The following BPTF variants were observed in gnomAD, a reference collection of about 807,000 sequenced individuals.
The protein encoded by BPTF is bromodomain PHD finger transcription factor.
A neutral mutation model predicts 292.5 loss-of-function variants in BPTF; 18 were observed. The ratio of observed to expected loss-of-function variants is 0.06; its 90% CI spans 0.04 to 0.09. The LOEUF (loss-of-function observed/expected upper bound fraction) is 0.09. Among genes scored for constraint, BPTF ranks in the 10% least tolerant of loss-of-function variants. BPTF has a pLI of 1.00. For missense variants in BPTF, 2,726 were observed against 3,498.7 expected, an observed-to-expected ratio of 0.78 and a Z score of 5.57; for synonymous variants, 1,225 against 1,251.9, an observed-to-expected ratio of 0.98 and a Z score of 0.45.
chr17:67,932,113 A>G, intron 18 of BPTF, 94 bp downstream of exon 18: 2 of 1,008,636 alleles, frequency 2.0e-6, no homozygotes, highest in Non-Finnish European at 3.0e-6. Flanking sequence ...CGAGAAATAT[A>G]ATTTTAATTA....
chr17:67,852,309 A>T (rs1053868997), intron 1 of BPTF, among the ~76,000 whole-genome samples: 2 of 152,130 alleles, frequency 1.3e-5, no homozygotes, highest in African/African-American at 4.8e-5. Context: ...TAACGAAAAT[A>T]CATGTATGAA....
intron 24 of BPTF, among the ~76,000 whole-genome samples, chr17:67,962,320 C>A (rs1376690566): frequency 6.6e-6 from 1 of 152,196 alleles, no homozygotes; most frequent in Non-Finnish European, 1.5e-5. Context: ...CAGTCTGGTT[C>A]CCTGTGATTC....
At chr17:67,844,138 G>T (rs1252488468) in intron 1 of BPTF, among the ~76,000 whole-genome samples, 11 of 143,044 alleles carry the variant, frequency 7.7e-5, no homozygotes, top group African/African-American at 2.9e-4. Flanking sequence ...GGAGTGCAGT[G>T]GCATGATCTC....
chr17:67,847,933 C>T (rs902246058), intron 1 of BPTF, among the ~76,000 whole-genome samples: 6 of 152,148 alleles, frequency 3.9e-5, no homozygotes, highest in African/African-American at 1.4e-4. Context: ...CTTGATGTGC[C>T]ATTCATGGTT....
At chr17:67,850,119 T>C (rs1192388300) in intron 1 of BPTF, among the ~76,000 whole-genome samples, 2 of 152,226 alleles carry the variant, frequency 1.3e-5, no homozygotes, top group African/African-American at 4.8e-5. Flanking sequence ...ATCATTTTCT[T>C]GTGTAAGTGC....
intron 1 of BPTF, among the ~76,000 whole-genome samples, chr17:67,828,689 C>T (rs192977887): frequency 1.3e-3 from 203 of 152,194 alleles, no homozygotes; most frequent in East Asian, 5.6e-3. Flanking sequence ...GCACCACGCC[C>T]AGCTAATTTT....
intron 9 of BPTF, among the ~76,000 whole-genome samples, chr17:67,906,844 A>G (rs1340436751): frequency 2.0e-5 from 3 of 152,320 alleles, no homozygotes; most frequent in Middle Eastern, 3.4e-3. Context: ...AAATGGATAT[A>G]CCTTGCTAGG....
At chr17:67,923,333 C>T (rs1412687453) in intron 14 of BPTF, among the ~76,000 whole-genome samples, 1 of 151,852 alleles carries the variant, frequency 6.6e-6, no homozygotes, top group African/African-American at 2.4e-5. Context: ...GCTGGGATTA[C>T]AGGCATGAGC....
chr17:67,847,512 T>TA (rs762923694), intron 1 of BPTF, among the ~76,000 whole-genome samples: 264 of 135,502 alleles, frequency 1.9e-3, no homozygotes, highest in East Asian at 0.01. Context: ...AGACTCCGTC[T>TA]AAAAAAAAAA....
At chr17:67,837,942 A>C (rs1309419973) in intron 1 of BPTF, among the ~76,000 whole-genome samples, 1 of 152,192 alleles carries the variant, frequency 6.6e-6, no homozygotes, top group Non-Finnish European at 1.5e-5. Context: ...GGAGTTCTTC[A>C]TTGCTTCTTA....
Position 67,891,882 on chromosome 17 carries a change from A to C in BPTF, c.1903A>C (p.Ser635Arg). 3.1e-6 allele frequency: 5 copies of C among 1,609,402 alleles called. No individual in the cohort carries two copies. The highest frequency in any genetic ancestry group is 4.2e-6 in the Non-Finnish European group (5 of 1,178,274). The change falls in exon 5 of 28, where the codon AGT becomes CGT. Residue 635 changes from serine to arginine, a missense_variant. By Grantham distance (110) the Ser-to-Arg change is moderately radical. Coordinates refer to ENST00000306378, the MANE Select transcript of BPTF (RefSeq NM_182641.4). ...FKSEKSNGEL[S>R]ESPGAGKGAS... ...ATCGGAGAAGTCCAACGGGGAGCTA[A>C]GTGAATCTCCTGGAGCTGGAAAAGG...
chr17:67,965,905 A>T (rs2068047817), intron 25 of BPTF: 1 of 151,934 alleles, frequency 6.6e-6, no homozygotes, highest in African/African-American at 2.4e-5. Context: ...AAAACATTAA[A>T]AAAAAATGAG....
Position 67,947,804 on chromosome 17 carries a change from C to A in BPTF, c.7696C>A (p.Gln2566Lys). The A allele has an allele frequency of 1.3e-6, 2 of 1,551,912 alleles. No individual in the cohort carries two copies. Among genetic ancestry groups the A allele is most frequent in the Non-Finnish European group, 1.7e-6 (2 of 1,147,088 alleles). The change falls in exon 22 of 28, where the codon CAA (glutamine) becomes AAA (lysine). Residue 2566 changes from glutamine to lysine, a missense_variant. By Grantham distance (53) the Gln-to-Lys change is moderately conservative (BLOSUM62 1). Coordinates refer to ENST00000306378, the MANE Select transcript of BPTF (RefSeq NM_182641.4). ...SMTPAEREEN[Q>K]RMIVCNQVMK... ...GACTCCAGCTGAAAGAGAAGAGAAT[C>A]AAAGGTAGGGGAGACGCAGGGTCTT... is the stretch of plus-strand genomic sequence containing the variant.
At chr17:67,966,461 G>T in intron 25 of BPTF, 111 bp from the exon 26 acceptor site, 1 of 866,196 alleles carries the variant, frequency 1.2e-6, no homozygotes, top group Non-Finnish European at 1.9e-6. Context: ...AATATTTCAT[G>T]TATCAAATTT....
At chr17:67,914,507 C>A (rs1020658360) in intron 11 of BPTF, among the ~76,000 whole-genome samples, 1 of 152,194 alleles carries the variant, frequency 6.6e-6, no homozygotes, top group Non-Finnish European at 1.5e-5. Flanking sequence ...GATTACTCTG[C>A]ACTTTTCTGC....
At chr17:67,941,451 TA>T (rs1172398857) in intron 19 of BPTF, among the ~76,000 whole-genome samples, 1 of 151,954 alleles carries the variant, frequency 6.6e-6, no homozygotes, top group Non-Finnish European at 1.5e-5. Flanking sequence ...AGACTTCATC[TA>T]AAAAAAACCA....
At chr17:67,883,693 T>C (rs2060568621) in intron 4 of BPTF, among the ~76,000 whole-genome samples, 1 of 151,974 alleles carries the variant, frequency 6.6e-6, no homozygotes, top group African/African-American at 2.4e-5. Flanking sequence ...TCCGCCCCCC[T>C]GGGTTCAAGC....
At chr17:67,909,887 T>C in intron 10 of BPTF, 126 bp downstream of exon 10, 1 of 728,860 alleles carries the variant, frequency 1.4e-6, no homozygotes, top group Non-Finnish European at 2.0e-6. Flanking sequence ...ATAATTGATA[T>C]CCCATACAAT....
chr17:67,971,178 A>C (rs2068719904), intron 26 of BPTF, among the ~76,000 whole-genome samples: 1 of 152,178 alleles, frequency 6.6e-6, no homozygotes, highest in Non-Finnish European at 1.5e-5. Flanking sequence ...TCCCGGGTTC[A>C]AGCAATTCTC....
Sources: allele counts gnomAD v4.1 joint callset (sites outside exome capture counted in the v4.1 genomes callset), GRCh38; gene constraint gnomAD v4.1.1; transcripts MANE v1.5; gene names NCBI Gene and HGNC (gene_info 2026-07-23, HGNC 2026-07-21).